GOT1L1: variants seen among roughly 807,000 people sequenced by gnomAD.
The protein encoded by GOT1L1 is aspartate aminotransferase, cytoplasmic 2.
A neutral mutation model predicts 43.6 loss-of-function variants in GOT1L1; 38 were observed. The observed-to-expected ratio is 0.87, with a 90% CI of 0.67 to 1.14. The LOEUF (loss-of-function observed/expected upper bound fraction) is 1.14, where lower values mean the gene tolerates loss of function less well. Ranked by LOEUF, GOT1L1 falls within the 50% of genes most tolerant of loss-of-function variation. The probability of loss-of-function intolerance (pLI) is 0.00; values close to 1 mark genes in which losing one functional copy is unlikely to be tolerated. For missense variants in GOT1L1, 482 were observed against 504.0 expected, an observed-to-expected ratio of 0.96 and a Z score of 0.42; for synonymous variants, 183 against 187.2, an observed-to-expected ratio of 0.98 and a Z score of 0.18.
intron 6 of GOT1L1, 60 bp downstream of exon 6, chr8:37,936,660 G>A: frequency 6.9e-7 from 1 of 1,458,752 alleles, no homozygotes; most frequent in Non-Finnish European, 9.4e-7. Flanking sequence ...AAACATCACT[G>A]TGCTGTGAGC....
At chr8:37,934,591 A>C in intron 8 of GOT1L1, 105 bp from the exon 9 acceptor site, 1 of 881,876 alleles carries the variant, frequency 1.1e-6, no homozygotes, top group Non-Finnish European at 1.8e-6. Flanking sequence ...ATTGATTGAG[A>C]TGGAGTTTTG....
rs1215754907 is a variant in GOT1L1 at position 37,938,746 on chromosome 8, A to G, written c.251T>C (p.Leu84Pro). 10 of 1,604,674 alleles carry G rather than the reference A, an allele frequency of 6.2e-6. No homozygotes were observed. Among genetic ancestry groups the G allele is most frequent in the Non-Finnish European group, 8.5e-6 (10 of 1,175,822 alleles). ...GCTGTGCTTTCCAAAGAGGAGTGCT[A>G]GAGAGGCCTGGATGAATGATTTCAG... ...MGLKSFIQAS[L>P]ALLFGKHSQA... The change falls in exon 2 of 9, where the codon CTA becomes CCA. Residue 84 changes from leucine to proline, a missense_variant. By Grantham distance (98) the Leu-to-Pro change is moderately conservative. Coordinates refer to ENST00000307599, the MANE Select transcript of GOT1L1 (RefSeq NM_152413.3).
intron 8 of GOT1L1, 76 bp from the exon 9 acceptor site, chr8:37,934,562 C>A: frequency 9.2e-7 from 1 of 1,089,228 alleles, no homozygotes; most frequent in South Asian, 1.5e-5. Flanking sequence ...GGTTTATTTT[C>A]TTATTTTTTT....
At chr8:37,936,656 C>G in intron 6 of GOT1L1, 64 bp downstream of exon 6, 1 of 1,426,718 alleles carries the variant, frequency 7.0e-7, no homozygotes, top group Non-Finnish European at 9.7e-7. Context: ...TCAAAAACAT[C>G]ACTGTGCTGT....
chr8:37,938,608 C>A, intron 2 of GOT1L1, 92 bp downstream of exon 2: 1 of 1,127,446 alleles, frequency 8.9e-7, no homozygotes, highest in Non-Finnish European at 1.2e-6. Context: ...TACCAGGGGG[C>A]CCTCCGAGGT....
In GOT1L1 at chr8:37,939,978, C is replaced by T. The variant is rs1408567571; in HGVS notation, c.52G>A (p.Gly18Ser). The change falls in exon 1 of 9, where the codon GGC becomes AGC. Residue 18 changes from glycine (G) to serine (S), a missense_variant. Gly to Ser is a moderately conservative substitution (Grantham distance 56, BLOSUM62 0). Coordinates refer to ENST00000307599, the MANE Select transcript of GOT1L1 (RefSeq NM_152413.3). ...MDVPLAHKLE[G>S]SLLKTYKQDD... The stretch of plus-strand genomic sequence containing the variant: ...TGTTTGTAGGTCTTTAACAAGCTGC[C>T]CTCTAGCTTGTGGGCGAGGGGCACA... The T allele has an allele frequency of 1.2e-6, 2 of 1,613,490 alleles. No individual in the cohort carries two copies. Among genetic ancestry groups the T allele is most frequent in the Non-Finnish European group, 1.7e-6 (2 of 1,179,626 alleles).
intron 6 of GOT1L1, among the ~76,000 whole-genome samples, chr8:37,936,250 A>G (rs1807751346): frequency 6.6e-6 from 1 of 151,898 alleles, no homozygotes; most frequent in Non-Finnish European, 1.5e-5. Flanking sequence ...GGGCTTAAGC[A>G]ATCCTCCTGC....
chr8:37,938,133 C>A (rs141474372), intron 2 of GOT1L1, among the ~76,000 whole-genome samples: 2 of 152,336 alleles, frequency 1.3e-5, no homozygotes, highest in African/African-American at 4.8e-5. Flanking sequence ...CGCAGTAGCT[C>A]ATGCCTGTAA....
At position 37,936,886 on chromosome 8, in the gene GOT1L1, G is replaced by A. The variant is rs1340911560; in HGVS notation, c.613-16C>T. ...TCTGCTTGCTCTGTAGGAGAAAGGA[G>A]AACAAAAAAAGAATGAGACAGATGG... On this transcript the variant is annotated splice_polypyrimidine_tract_variant and intron_variant, in intron 5 of 8. Coordinates refer to ENST00000307599, the MANE Select transcript of GOT1L1 (RefSeq NM_152413.3). 6.2e-7 allele frequency: 1 copy of A among 1,611,506 alleles called. No individual in the cohort carries two copies. Among genetic ancestry groups the A allele is most frequent in the South Asian group, 1.1e-5 (1 of 90,982 alleles).
intron 7 of GOT1L1, among the ~76,000 whole-genome samples, chr8:37,935,445 C>A (rs1807718486): frequency 6.6e-6 from 1 of 152,154 alleles, no homozygotes; most frequent in South Asian, 2.1e-4. Flanking sequence ...CTCTTATCTC[C>A]CCAAGCAATC....
At chr8:37,935,027 A>G (rs1427678547) in intron 8 of GOT1L1, 46 bp downstream of exon 8, 1 of 1,604,488 alleles carries the variant, frequency 6.2e-7, no homozygotes, top group South Asian at 1.1e-5. Flanking sequence ...GCTCAAATAC[A>G]GGCCAAAGGT....
chr8:37,934,572 TATTG>T (rs1314686360), intron 8 of GOT1L1, 86 bp from the exon 9 acceptor site: 34 of 978,402 alleles, frequency 3.5e-5, no homozygotes, highest in Non-Finnish European at 5.2e-5. Context: ...CTTATTTTTT[TATTG>T]ATTGATTGAT....
At chr8:37,934,648 G>C (rs1289858016) in intron 8 of GOT1L1, among the ~76,000 whole-genome samples, 162 bp from the exon 9 acceptor site, 1 of 152,088 alleles carries the variant, frequency 6.6e-6, no homozygotes, top group Non-Finnish European at 1.5e-5. Context: ...TTGGCTCACT[G>C]CAACCTTCGC....
intron 2 of GOT1L1, among the ~76,000 whole-genome samples, chr8:37,938,068 A>C (rs553762618): frequency 2.6e-5 from 4 of 151,598 alleles, no homozygotes; most frequent in Non-Finnish European, 4.4e-5. Flanking sequence ...ATAAACATTA[A>C]AAAATAAAAA....
chr8:37,935,912 C>T (rs1270867376), intron 6 of GOT1L1, 43 bp from the exon 7 acceptor site: 5 of 1,594,172 alleles, frequency 3.1e-6, no homozygotes, highest in Non-Finnish European at 4.3e-6. Context: ...CCCCTTCCTC[C>T]ACTCCCAAGG....
At position 37,938,844 on chromosome 8, in the gene GOT1L1, G is replaced by T. The variant is rs774966166; in HGVS notation, c.153C>A (p.Leu51=). 2 of 1,613,806 alleles carry T rather than the reference G, an allele frequency of 1.2e-6. No individual in the cohort carries two copies. The highest frequency in any genetic ancestry group is 2.2e-5 in the South Asian group (2 of 91,054). ...TCTGTAGTCGAGTCTTCTGCACCAC[G>T]AGAGAAACCCAGGGATGGCCTTCAT... ...MTNEGHPWVS[L]VVQKTRLQIS... is the part of the protein sequence containing the mutation. Residue 51 remains leucine, a synonymous_variant, in exon 2 of 9, where the codon CTC becomes CTA. Coordinates refer to ENST00000307599, the MANE Select transcript of GOT1L1 (RefSeq NM_152413.3).
intron 3 of GOT1L1, 119 bp from the exon 4 acceptor site, chr8:37,937,505 C>CATAA (rs1807795522): frequency 4.1e-6 from 4 of 982,296 alleles, no homozygotes; most frequent in Non-Finnish European, 6.2e-6. Flanking sequence ...AGGAAAAGGA[C>CATAA]ATAAATAGCT....
chr8:37,940,055 C>T lies in GOT1L1; in HGVS notation c.-26G>A, dbSNP rs775827840. ...AACTGAAACGAAACTGGAGCCAAGACTATGTGTCTCTGCTCCTGTGTTCCG... is the reference window on the plus strand; with the variant it reads ...AACTGAAACGAAACTGGAGCCAAGATTATGTGTCTCTGCTCCTGTGTTCCG... On this transcript the variant is annotated 5_prime_UTR_variant, in exon 1 of 9. Transcript: ENST00000307599. 1.2e-6 allele frequency: 2 copies of T among 1,601,170 alleles called. No homozygotes were observed. The highest frequency in any genetic ancestry group is 1.7e-6 in the Non-Finnish European group (2 of 1,173,374).
intron 2 of GOT1L1, 60 bp downstream of exon 2, chr8:37,938,640 G>A: frequency 1.4e-6 from 2 of 1,461,206 alleles, no homozygotes; most frequent in South Asian, 1.4e-5. Context: ...TTAAGGTTGT[G>A]CAGACCCAGA....
Sources: gnomAD v4.1 joint callset for allele counts (sites outside exome capture counted in the v4.1 genomes callset) on GRCh38, gnomAD v4.1.1 for gene constraint, MANE v1.5 for transcripts, NCBI Gene and HGNC (gene_info 2026-07-23, HGNC 2026-07-21) for gene names.